The following OPHN1 variants were observed in gnomAD, a reference collection of about 807,000 sequenced individuals.
The protein encoded by OPHN1 is oligophrenin-1.
Under a neutral mutation model 60.7 loss-of-function variants are expected in OPHN1, and 11 were observed. The ratio of observed to expected loss-of-function variants is 0.18; its 90% CI spans 0.11 to 0.30. The LOEUF is 0.30. Ranked by LOEUF, OPHN1 falls within the 10% of genes least tolerant of loss-of-function variation. OPHN1 has a pLI of 1.00. For missense variants in OPHN1, 449 were observed against 611.0 expected (o/e 0.73, Z 2.80); for synonymous variants, 226 against 222.6 (o/e 1.02, Z -0.14).
At chrX:68,214,363 G>A (rs1485516827) in intron 6 of OPHN1, among the ~76,000 whole-genome samples, 2 of 112,343 alleles carry the variant, frequency 1.8e-5, no homozygotes, top group African/African-American at 3.2e-5. Flanking sequence ...ACAGAAGCAT[G>A]CTACTATGGC....
chrX:68,193,915 C>G lies in OPHN1; in HGVS notation c.1176G>C (p.Lys392Asn). The change falls in exon 14 of 25, where the codon AAG (lysine) becomes AAC (asparagine). Residue 392 changes from lysine to asparagine, a missense_variant. Lys to Asn is a moderately conservative substitution (Grantham distance 94). Coordinates refer to ENST00000355520, the MANE Select transcript of OPHN1 (RefSeq NM_002547.3). ...CTTTGGTCTCAATAATATTGATGCA[C>G]TTCCTGACAAACTTGAAGCCCACTT... ...LNEVGFKFVR[K>N]CINIIETKGI... 1 of 1,209,152 alleles carries G rather than the reference C, an allele frequency of 8.3e-7. No individual in the cohort carries two copies. Among genetic ancestry groups the G allele is most frequent in the South Asian group, 1.8e-5 (1 of 56,910 alleles).
At chrX:68,121,094 G>A (rs2077148703) in intron 15 of OPHN1, among the ~76,000 whole-genome samples, 1 of 112,175 alleles carries the variant, frequency 8.9e-6, no homozygotes, top group African/African-American at 3.2e-5. Flanking sequence ...TGATTTCTTG[G>A]ATCAGACTCT....
chrX:68,274,671 G>T, intron 5 of OPHN1, 67 bp downstream of exon 5: 1 of 759,908 alleles, frequency 1.3e-6, no homozygotes, highest in Non-Finnish European at 2.0e-6. Context: ...GTAAAGTGAA[G>T]AATAGTAGCC....
At chrX:68,270,712 C>G (rs1366873895) in intron 5 of OPHN1, among the ~76,000 whole-genome samples, 2 of 109,266 alleles carry the variant, frequency 1.8e-5, no homozygotes, top group Non-Finnish European at 3.8e-5. Flanking sequence ...ACGTTGTGCA[C>G]ATGTACCCTA....
chrX:68,063,955 G>A lies in OPHN1; in HGVS notation c.2057C>T (p.Pro686Leu). The change falls in exon 21 of 25, where the codon CCA becomes CTA. Residue 686 changes from proline (P) to leucine (L), a missense_variant. This residue lies in a region of OPHN1 where 184 missense variants were observed against 160.5 expected (regional missense o/e 1.15). Coordinates refer to ENST00000355520, the MANE Select transcript of OPHN1 (RefSeq NM_002547.3). ...RLQDGGTKIT[P>L]KATNGPMPGS... is the part of the protein sequence containing the mutation. ...TGGCATGGGTCCATTGGTGGCCTTTGGGGTGATCTTGGTCCCTCCATCCTG... is the reference window on the plus strand; with the variant it reads ...TGGCATGGGTCCATTGGTGGCCTTTAGGGTGATCTTGGTCCCTCCATCCTG... 2.5e-6 allele frequency: 3 copies of A among 1,209,185 alleles called. No homozygotes were observed. The highest frequency in any genetic ancestry group is 3.4e-6 in the Non-Finnish European group (3 of 894,322).
chrX:68,048,596 CA>C, intron 23 of OPHN1, 139 bp from the exon 24 acceptor site: 1 of 531,991 alleles, frequency 1.9e-6, no homozygotes, highest in Non-Finnish European at 3.3e-6. Flanking sequence ...CCAGATGTTT[CA>C]AAACATTTAG....
At chrX:68,081,236 G>A (rs1483466213) in intron 19 of OPHN1, among the ~76,000 whole-genome samples, 1 of 111,383 alleles carries the variant, frequency 9.0e-6, no homozygotes, top group Non-Finnish European at 1.9e-5. Context: ...CTATAATTGG[G>A]AAGAGAGAGT....
At chrX:68,429,489 C>T (rs750631330) in intron 2 of OPHN1, among the ~76,000 whole-genome samples, 29 of 110,515 alleles carry the variant, frequency 2.6e-4, no homozygotes, top group African/African-American at 3.6e-4. Context: ...TTTGAGAGGC[C>T]GTGGTGGGAG....
intron 5 of OPHN1, among the ~76,000 whole-genome samples, chrX:68,246,809 C>G (rs2077808179): frequency 9.0e-6 from 1 of 111,077 alleles, no homozygotes; most frequent in Admixed American, 9.6e-5. Flanking sequence ...TATTTGACCC[C>G]CATTTAATGA....
In OPHN1 at chrX:68,234,571, A is replaced by G. The variant is rs1399979392; in HGVS notation, c.402T>C (p.Phe134=). 2 of 1,204,702 alleles carry G rather than the reference A, an allele frequency of 1.7e-6. No individual in the cohort carries two copies. Residue 134 remains phenylalanine (F), a synonymous_variant, in exon 6 of 25, where the codon TTT becomes TTC. Coordinates refer to ENST00000355520, the MANE Select transcript of OPHN1 (RefSeq NM_002547.3). ...IGFTKERKKK[F]EKDGERFYSL... ...AATAAAACCTCTCACCATCCTTTTC[A>G]AATTTCTTTTTCCGCTCCTAAAGGT...
At chrX:68,427,600 C>A (rs1053096206) in intron 2 of OPHN1, among the ~76,000 whole-genome samples, 6 of 108,446 alleles carry the variant, frequency 5.5e-5, no homozygotes, top group African/African-American at 2.0e-4. Context: ...TATCTAGATG[C>A]CATGTCCAGG....
intron 19 of OPHN1, among the ~76,000 whole-genome samples, chrX:68,083,027 ACAT>A (rs752577720): frequency 1.9e-5 from 2 of 103,345 alleles, no homozygotes; most frequent in South Asian, 9.1e-4. Flanking sequence ...ATTTCCTTAA[ACAT>A]CATGAACCAA....
rs1441041539 is a variant in OPHN1, at chrX:68,169,249, A to T, written c.1276+23670T>A. ...GGACGTGAAGGAACTCTTCAAGGAG[A>T]ACTACAAACCACTGCTCAATGAAAT... On this transcript the variant is annotated intron_variant, in intron 15 of 24. Transcript: ENST00000355520. 6.1e-4 allele frequency among the ~76,000 whole-genome samples: 68 copies of T among 111,498 alleles called. 1 individual carries two copies. The highest frequency in any genetic ancestry group is 4.6e-3 in the Middle Eastern group (1 of 218).
intron 15 of OPHN1, among the ~76,000 whole-genome samples, chrX:68,140,964 C>G (rs1302439495): frequency 8.9e-6 from 1 of 111,774 alleles, no homozygotes; most frequent in Admixed American, 9.5e-5. Context: ...CCACTTTTAT[C>G]GCCCAATAAA....
intron 19 of OPHN1, among the ~76,000 whole-genome samples, chrX:68,089,254 G>A (rs984681460): frequency 3.6e-5 from 4 of 111,309 alleles, no homozygotes; most frequent in Non-Finnish European, 7.5e-5. Flanking sequence ...ACTCAAAGGA[G>A]AACAGCAAAG....
At position 68,043,262 on chromosome X, in the gene OPHN1, C is replaced by A. The variant is rs1467012023; in HGVS notation, c.*3910G>T. The A allele has an allele frequency of 1.4e-5, 1 of 70,948 alleles. No individual in the cohort carries two copies. Among genetic ancestry groups the A allele is most frequent in the African/African-American group, 5.6e-5 (1 of 17,885 alleles). The allele number at this position is 70,948 out of a possible 1,213,427, so 5.8% of individuals were successfully genotyped here. A position where few individuals can be genotyped will look rare whatever the true frequency, so the allele number is the denominator to read the frequency against. On this transcript the variant is annotated 3_prime_UTR_variant, in exon 25 of 25. Coordinates refer to ENST00000355520, the MANE Select transcript of OPHN1 (RefSeq NM_002547.3). ...GGGAGGGATAGCACTGGGAGATATACCTAATGCTAGATGACACATTAGTGG... is the reference window on the plus strand; with the variant it reads ...GGGAGGGATAGCACTGGGAGATATAACTAATGCTAGATGACACATTAGTGG...
At chrX:68,432,641 C>T (rs768199174) in intron 2 of OPHN1, among the ~76,000 whole-genome samples, 2 of 111,518 alleles carry the variant, frequency 1.8e-5, no homozygotes, top group African/African-American at 6.5e-5. Context: ...AGCTACGGAT[C>T]ACGTCTTATA....
At chrX:68,091,552 G>A (rs965261224) in intron 19 of OPHN1, among the ~76,000 whole-genome samples, 6 of 111,324 alleles carry the variant, frequency 5.4e-5, no homozygotes, top group Non-Finnish European at 1.1e-4. Flanking sequence ...CATGGCATGC[G>A]AAAAGAGGCT....
At chrX:68,144,805 C>A (rs777833084) in intron 15 of OPHN1, among the ~76,000 whole-genome samples, 6 of 111,974 alleles carry the variant, frequency 5.4e-5, no homozygotes, top group African/African-American at 1.6e-4. Context: ...GTGCCAAGCC[C>A]TGTTTCAAGG....
Sources: allele counts gnomAD v4.1 joint callset (sites outside exome capture counted in the v4.1 genomes callset), GRCh38; gene constraint gnomAD v4.1.1; regional missense constraint gnomAD v4.1.1; transcripts MANE v1.5; gene names NCBI Gene and HGNC (gene_info 2026-07-23, HGNC 2026-07-21).